The following CPXM2 variants were observed in gnomAD, a reference collection of about 807,000 sequenced individuals.
CPXM2 encodes carboxypeptidase X, M14 family member 2.
In CPXM2, 66 loss-of-function variants were observed where a neutral mutation model predicts 86.1. That is an observed-to-expected ratio of 0.77 (90% CI 0.63 to 0.94). CPXM2 has a LOEUF of 0.94. CPXM2 is among the 40% of genes least tolerant of loss of function. The pLI is 0.00. For missense variants in CPXM2, 948 were observed against 1,026.3 expected (o/e 0.92, Z 1.04); for synonymous variants, 388 against 400.2 (o/e 0.97, Z 0.36).
At chr10:123,806,993 C>T (rs898570865) in intron 4 of CPXM2, among the ~76,000 whole-genome samples, 1 of 152,138 alleles carries the variant, frequency 6.6e-6, no homozygotes, top group African/African-American at 2.4e-5. Flanking sequence ...GTGATAGCAG[C>T]GTGTCTACTG....
intron 9 of CPXM2, among the ~76,000 whole-genome samples, chr10:123,767,480 A>G (rs1353531159): frequency 6.6e-6 from 1 of 152,122 alleles, no homozygotes; most frequent in African/African-American, 2.4e-5. Flanking sequence ...CTGAGTAGCA[A>G]TGAACTCATC....
chr10:123,911,345 G>A (rs555696183), intron 2 of CPXM2, among the ~76,000 whole-genome samples: 8 of 152,138 alleles, frequency 5.3e-5, no homozygotes, highest in South Asian at 4.1e-4. Flanking sequence ...CAGGTCCCCC[G>A]GCAGCTGCTA....
chr10:123,915,802 C>G (rs1451415145), intron 2 of CPXM2, among the ~76,000 whole-genome samples: 1 of 152,104 alleles, frequency 6.6e-6, no homozygotes, highest in Admixed American at 6.5e-5. Context: ...GACAGGGAAC[C>G]GAGAAAGTGC....
chr10:123,928,980 G>T (rs1280376834), intron 2 of CPXM2, among the ~76,000 whole-genome samples: 1 of 152,224 alleles, frequency 6.6e-6, no homozygotes, highest in Non-Finnish European at 1.5e-5. Flanking sequence ...GGAAGACTGT[G>T]GTCCTGAGTG....
chr10:123,927,648 C>T (rs1465042152), intron 2 of CPXM2, among the ~76,000 whole-genome samples: 1 of 152,196 alleles, frequency 6.6e-6, no homozygotes, highest in Non-Finnish European at 1.5e-5. Flanking sequence ...CTTAGGGCTC[C>T]CAACTGCACC....
At chr10:123,783,430 CACTT>C (rs751144783) in intron 6 of CPXM2, among the ~76,000 whole-genome samples, 6 of 152,214 alleles carry the variant, frequency 3.9e-5, no homozygotes, top group Non-Finnish European at 7.3e-5. Context: ...CTCAGGAACA[CACTT>C]CCTTCCTTCA....
At chr10:123,828,202 AAG>A (rs1475076279) in intron 4 of CPXM2, among the ~76,000 whole-genome samples, 2 of 152,168 alleles carry the variant, frequency 1.3e-5, no homozygotes, top group African/African-American at 4.8e-5. Flanking sequence ...AAGTTAAAGA[AAG>A]AGAAATAAAA....
At chr10:123,780,875 TG>T (rs1846918134) in intron 6 of CPXM2, among the ~76,000 whole-genome samples, 1 of 152,170 alleles carries the variant, frequency 6.6e-6, no homozygotes, top group African/African-American at 2.4e-5. Context: ...TACTGGCCAC[TG>T]TAATTGATCC....
rs752230154 is a variant in CPXM2, at chr10:123,768,657, G to GCAGCAGCTCCCGGCC, written c.1153_1167dup (p.Gly385_Leu389dup). ...TGACACACGAACTGCACCAGCAGCAGCAGCAGCTCCCGGCCCAGCACCTCA... is the reference window on the plus strand; with the variant it reads ...TGACACACGAACTGCACCAGCAGCAGCAGCAGCTCCCGGCCCAGCAGCTCCCGGCCCAGCACCTCA... On this transcript the variant is annotated inframe_insertion, in exon 9 of 14. Coordinates refer to ENST00000241305, the MANE Select transcript of CPXM2 (RefSeq NM_198148.3). The GCAGCAGCTCCCGGCC allele has an allele frequency of 2.7e-4, 443 of 1,613,338 alleles. No homozygotes were observed. Among genetic ancestry groups the GCAGCAGCTCCCGGCC allele is most frequent in the Non-Finnish European group, 3.4e-4 (400 of 1,180,012 alleles).
At chr10:123,829,902 A>T (rs1848128177) in intron 4 of CPXM2, among the ~76,000 whole-genome samples, 1 of 152,040 alleles carries the variant, frequency 6.6e-6, no homozygotes, top group South Asian at 2.1e-4. Context: ...TTCGGTTGGA[A>T]AAAATATGGA....
chr10:123,770,337 C>T (rs1007036491), intron 8 of CPXM2, among the ~76,000 whole-genome samples: 2 of 152,166 alleles, frequency 1.3e-5, no homozygotes, highest in Non-Finnish European at 2.9e-5. Flanking sequence ...CGGAGAGGAA[C>T]TCCTGAGACC....
intron 2 of CPXM2, among the ~76,000 whole-genome samples, chr10:123,911,239 A>G (rs1238040127): frequency 6.6e-6 from 1 of 152,070 alleles, no homozygotes; most frequent in Non-Finnish European, 1.5e-5. Flanking sequence ...TCATTTGGGA[A>G]TTTGTTCAGC....
At chr10:123,807,769 G>T (rs1300123765) in intron 4 of CPXM2, among the ~76,000 whole-genome samples, 1 of 152,182 alleles carries the variant, frequency 6.6e-6, no homozygotes, top group African/African-American at 2.4e-5. Flanking sequence ...TGTTATTAAA[G>T]AGGCTCAGAA....
chr10:123,764,360 C>T (rs958276888), intron 10 of CPXM2, among the ~76,000 whole-genome samples: 2 of 152,152 alleles, frequency 1.3e-5, no homozygotes, highest in Non-Finnish European at 1.5e-5. Flanking sequence ...CAAAATTTGG[C>T]GAGATAGTAT....
At chr10:123,880,096 C>T (rs368446782) in intron 2 of CPXM2, 115 bp downstream of exon 2, 428 of 642,942 alleles carry the variant, frequency 6.7e-4, no homozygotes, top group South Asian at 3.4e-3. Context: ...AGGCCCCAGG[C>T]AGCCCCACAC....
chr10:123,812,310 T>C (rs1847711417), intron 4 of CPXM2, among the ~76,000 whole-genome samples: 1 of 152,202 alleles, frequency 6.6e-6, no homozygotes, highest in South Asian at 2.1e-4. Flanking sequence ...TGAAGCATAA[T>C]GTTGAGTGGA....
intron 2 of CPXM2, among the ~76,000 whole-genome samples, chr10:123,915,454 A>G (rs1242421974): frequency 6.6e-6 from 1 of 152,194 alleles, no homozygotes; most frequent in South Asian, 2.1e-4. Flanking sequence ...GCTATTTGGG[A>G]GGCTAAGGCA....
At chr10:123,786,321 G>T (rs17106056) in intron 6 of CPXM2, among the ~76,000 whole-genome samples, 31,145 of 152,102 alleles carry the variant, frequency 0.2, 4,455 homozygotes, top group African/African-American at 0.41. Flanking sequence ...GAGACGGACG[G>T]GTGGCAAAGG....
At chr10:123,869,995 G>T (rs1026213281) in intron 2 of CPXM2, among the ~76,000 whole-genome samples, 2 of 152,106 alleles carry the variant, frequency 1.3e-5, no homozygotes, top group South Asian at 2.1e-4. Context: ...GGGGTGGGGG[G>T]CCGTTATGAG....
Sources: gnomAD v4.1 joint callset for allele counts (sites outside exome capture counted in the v4.1 genomes callset) on GRCh38, gnomAD v4.1.1 for gene constraint, MANE v1.5 for transcripts, NCBI Gene and HGNC (gene_info 2026-07-23, HGNC 2026-07-21) for gene names.